Variants in SP4 observed in about 807,000 individuals in gnomAD.
The protein encoded by SP4 is Sp4 transcription factor.
SP4 carries 19 observed loss-of-function variants against 72.8 expected under a neutral mutation model. That is an observed-to-expected ratio of 0.26 (90% CI 0.18 to 0.38). The LOEUF is 0.38. Among genes scored for constraint, SP4 ranks in the 10% least tolerant of loss-of-function variants. SP4 has a pLI of 1.00. For missense variants in SP4, 1,008 were observed against 926.3 expected (o/e 1.09, Z -1.14); for synonymous variants, 395 against 333.1 (o/e 1.19, Z -2.02).
intron 5 of SP4, among the ~76,000 whole-genome samples, chr7:21,507,988 A>G (rs932034611): frequency 3.3e-5 from 5 of 151,900 alleles, no homozygotes; most frequent in South Asian, 2.1e-4. Context: ...CCACCAAGAC[A>G]GTACTTACAG....
chr7:21,460,025 A>G lies in SP4; in HGVS notation c.1679-17054A>G, dbSNP rs372790885. On this transcript the variant is annotated intron_variant, in intron 3 of 5. Coordinates refer to ENST00000222584, the MANE Select transcript of SP4 (RefSeq NM_003112.5). ...AATACTAAAATTAAGAGCAGGATGA[A>G]TCTTCTGAGAGCCAGGGCAGAAATA... Among the ~76,000 whole-genome samples the G allele has an allele frequency of 3.9e-4, 60 of 152,352 alleles. No homozygotes were observed. The South Asian group carries it at 0.012, about 30-fold the overall frequency.
At chr7:21,502,230 T>C (rs1190840013) in intron 5 of SP4, among the ~76,000 whole-genome samples, 1 of 152,136 alleles carries the variant, frequency 6.6e-6, no homozygotes, top group Non-Finnish European at 1.5e-5. Context: ...ATCATCCTTT[T>C]TTCCCACAGT....
chr7:21,450,055 T>A (rs1379826905), intron 3 of SP4, among the ~76,000 whole-genome samples: 1 of 152,110 alleles, frequency 6.6e-6, no homozygotes, highest in Admixed American at 6.5e-5. Context: ...TCCCAGAGAC[T>A]TATTTTATGT....
At chr7:21,449,563 T>G (rs1277230437) in intron 3 of SP4, among the ~76,000 whole-genome samples, 1 of 152,242 alleles carries the variant, frequency 6.6e-6, no homozygotes, top group Non-Finnish European at 1.5e-5. Flanking sequence ...GTACATATGT[T>G]TAAGTATACG....
intron 5 of SP4, among the ~76,000 whole-genome samples, chr7:21,505,647 T>C (rs1384784976): frequency 1.3e-5 from 2 of 152,168 alleles, no homozygotes; most frequent in East Asian, 3.9e-4. Context: ...ATTGAACCAC[T>C]TACGTTCATA....
intron 5 of SP4, among the ~76,000 whole-genome samples, chr7:21,506,859 A>C: frequency 6.6e-6 from 1 of 152,182 alleles, no homozygotes; most frequent in East Asian, 1.9e-4. Context: ...TGAATCGTGA[A>C]TGTGTCCTAT....
chr7:21,494,428 A>G (rs1279223136), intron 5 of SP4, among the ~76,000 whole-genome samples: 1 of 152,206 alleles, frequency 6.6e-6, no homozygotes, highest in Non-Finnish European at 1.5e-5. Flanking sequence ...GAGTTTGGCA[A>G]GGTTGCCAGA....
chr7:21,451,476 G>A (rs1414549890), intron 3 of SP4, among the ~76,000 whole-genome samples: 2 of 152,114 alleles, frequency 1.3e-5, no homozygotes, highest in Non-Finnish European at 2.9e-5. Flanking sequence ...AGTTCTTTGG[G>A]GAAAATGGAT....
At position 21,482,216 on chromosome 7, in the gene SP4, G is replaced by A. The variant is rs1784707710; in HGVS notation, c.2107+93G>A. 7.5e-6 allele frequency: 7 copies of A among 932,150 alleles called. No homozygotes were observed. In the South Asian group the frequency reaches 1.1e-4, roughly 14 times the overall value. The allele number at this position is 932,150 out of a possible 1,614,324, so 57.7% of individuals were successfully genotyped here. On this transcript the variant is annotated intron_variant, in intron 5 of 5. Coordinates refer to ENST00000222584, the MANE Select transcript of SP4 (RefSeq NM_003112.5). ...AGTTTAGCTATCAAATTGGAAATATGCAAATGAAGGAGAAGGCATTTACTT... is the reference window on the plus strand; with the variant it reads ...AGTTTAGCTATCAAATTGGAAATATACAAATGAAGGAGAAGGCATTTACTT...
chr7:21,476,226 A>G (rs2079233), intron 3 of SP4, among the ~76,000 whole-genome samples: 4,737 of 136,742 alleles, frequency 0.035, 244 homozygotes, highest in African/African-American at 0.12. Context: ...GTGAGCCGAG[A>G]TCGTGCTACT....
Position 21,429,925 on chromosome 7 carries a change from G to C in SP4, c.760G>C (p.Val254Leu), listed in dbSNP as rs1011782966. 8.7e-6 allele frequency: 14 copies of C among 1,614,076 alleles called. No homozygotes were observed. The highest frequency in any genetic ancestry group is 1.2e-5 in the Non-Finnish European group (14 of 1,180,038). Residue 254 changes from valine to leucine, a missense_variant, in exon 3 of 6, where the codon GTA becomes CTA. Around this residue, in one of 3 missense-constraint regions of SP4, gnomAD observed 893 missense variants for 743.3 expected, o/e 1.20. Transcript: ENST00000222584. ...TCTTCCTGGTACTCAGGCTCAAGTT[G>C]TAACAACCCTACCAATTAACATTGG... is the stretch of plus-strand genomic sequence containing the variant. ...QTLPGTQAQV[V>L]TTLPINIGGV...
At chr7:21,439,364 T>C (rs1219230621) in intron 3 of SP4, among the ~76,000 whole-genome samples, 1 of 152,198 alleles carries the variant, frequency 6.6e-6, no homozygotes, top group African/African-American at 2.4e-5. Flanking sequence ...TATAAATTTG[T>C]TGGGTGCAAG....
Position 21,483,032 on chromosome 7 carries a change from A to G in SP4, c.2107+909A>G, listed in dbSNP as rs182723365. ...TGTGTATGTTTGGTTTTGCTAGGTA[A>G]TGGCTAAAGAGTCTCTACAGTGGCT... is the stretch of plus-strand genomic sequence containing the variant. On this transcript the variant is annotated intron_variant, in intron 5 of 5. Coordinates refer to ENST00000222584, the MANE Select transcript of SP4 (RefSeq NM_003112.5). Among the ~76,000 whole-genome samples, 19 of 152,216 alleles carry G rather than the reference A, an allele frequency of 1.2e-4. No individual in the cohort carries two copies. In the East Asian group the frequency reaches 3.7e-3, roughly 29 times the overall value.
At chr7:21,500,522 A>G (rs55940972) in intron 5 of SP4, among the ~76,000 whole-genome samples, 7,490 of 152,196 alleles carry the variant, frequency 0.049, 389 homozygotes, top group African/African-American at 0.13. Context: ...CTTACTGAAG[A>G]CCCTGGGGAG....
chr7:21,430,657 C>G lies in SP4; in HGVS notation c.1492C>G (p.Pro498Ala). 6.2e-7 allele frequency: 1 copy of G among 1,614,196 alleles called. No homozygotes were observed. The highest frequency in any genetic ancestry group is 8.5e-7 in the Non-Finnish European group (1 of 1,180,038). The change falls in exon 3 of 6, where the codon CCA (proline) becomes GCA (alanine). Residue 498 changes from proline (P) to alanine (A), a missense_variant. Pro to Ala is a conservative substitution (Grantham distance 27). Transcript: ENST00000222584. ...AGLSQQLTIT[P>A]VSSSGGTTLA... is the part of the protein sequence containing the mutation. ...GTTATCCCAACAATTAACCATCACC[C>G]CAGTGTCTTCAAGTGGTGGCACAAC...
At chr7:21,490,964 G>A (rs1051605888) in intron 5 of SP4, among the ~76,000 whole-genome samples, 1 of 152,208 alleles carries the variant, frequency 6.6e-6, no homozygotes, top group African/African-American at 2.4e-5. Flanking sequence ...ATTTTTAACA[G>A]GGCCTAAAGT....
At chr7:21,473,134 C>T (rs1784399024) in intron 3 of SP4, among the ~76,000 whole-genome samples, 1 of 152,100 alleles carries the variant, frequency 6.6e-6, no homozygotes. Flanking sequence ...GGAGGGAAAG[C>T]TCAATTTAGG....
chr7:21,503,771 C>A (rs559957363), intron 5 of SP4, among the ~76,000 whole-genome samples: 1 of 152,286 alleles, frequency 6.6e-6, no homozygotes, highest in South Asian at 2.1e-4. Context: ...TGGTCTTACT[C>A]CGGAGGTCTT....
chr7:21,453,120 G>C (rs1783652418), intron 3 of SP4, among the ~76,000 whole-genome samples: 1 of 152,084 alleles, frequency 6.6e-6, no homozygotes, highest in Non-Finnish European at 1.5e-5. Context: ...AAGTTTTCTT[G>C]GCGTTGAAAA....
Sources: allele counts gnomAD v4.1 joint callset (sites outside exome capture counted in the v4.1 genomes callset), GRCh38; gene constraint gnomAD v4.1.1; regional missense constraint gnomAD v4.1.1; transcripts MANE v1.5; gene names NCBI Gene and HGNC (gene_info 2026-07-23, HGNC 2026-07-21).